SLC17A8: variants seen among roughly 807,000 people sequenced by gnomAD.
SLC17A8 encodes the protein vesicular glutamate transporter 3.
Under a neutral mutation model 58.0 loss-of-function variants are expected in SLC17A8, and 31 were observed. That is an observed-to-expected ratio of 0.53 (90% CI 0.40 to 0.72). The LOEUF is 0.72. Ranked by LOEUF, SLC17A8 falls within the 30% of genes least tolerant of loss-of-function variation. SLC17A8 has a pLI of 0.00. For missense variants in SLC17A8, 655 were observed against 727.8 expected (o/e 0.90, Z 1.15); for synonymous variants, 228 against 249.0 (o/e 0.92, Z 0.79).
chr12:100,360,046 T>A (rs1315265904), intron 1 of SLC17A8, among the ~76,000 whole-genome samples: 1 of 152,010 alleles, frequency 6.6e-6, no homozygotes. Context: ...GTCAGGGGAG[T>A]GGCAATTGCA....
At chr12:100,382,535 C>T (rs1195777103) in intron 2 of SLC17A8, among the ~76,000 whole-genome samples, 1 of 152,164 alleles carries the variant, frequency 6.6e-6, no homozygotes, top group African/African-American at 2.4e-5. Context: ...TGCAGAAATC[C>T]GTTCATCTGC....
At chr12:100,397,391 C>T (rs1405684584) in intron 5 of SLC17A8, among the ~76,000 whole-genome samples, 1 of 152,030 alleles carries the variant, frequency 6.6e-6, no homozygotes, top group East Asian at 1.9e-4. Context: ...TCATTATATC[C>T]CAGATAATAA....
At chr12:100,397,004 A>G (rs372607592) in intron 5 of SLC17A8, among the ~76,000 whole-genome samples, 12 of 152,250 alleles carry the variant, frequency 7.9e-5, no homozygotes, top group African/African-American at 2.6e-4. Flanking sequence ...CAGGAAAACA[A>G]AAGCTTTCCC....
chr12:100,418,288 CTT>C, intron 11 of SLC17A8, 132 bp downstream of exon 11: 1 of 1,002,556 alleles, frequency 1.0e-6, no homozygotes, highest in Admixed American at 2.1e-5. Context: ...AGCTGAACTT[CTT>C]TTTTTTTTCT....
intron 1 of SLC17A8, among the ~76,000 whole-genome samples, chr12:100,370,612 T>TAAAAAA (rs61103377): frequency 2.4e-5 from 3 of 127,204 alleles, no homozygotes; most frequent in African/African-American, 5.5e-5. Flanking sequence ...ATCTAAATTC[T>TAAAAAA]AAAAAAAAAA....
intron 10 of SLC17A8, among the ~76,000 whole-genome samples, chr12:100,417,537 GT>G (rs1325978537): frequency 6.6e-6 from 1 of 152,178 alleles, no homozygotes; most frequent in African/African-American, 2.4e-5. Flanking sequence ...TTGTGCAAAT[GT>G]TTCATTAAAA....
At chr12:100,388,161 T>C (rs1203055845) in intron 2 of SLC17A8, among the ~76,000 whole-genome samples, 1 of 152,226 alleles carries the variant, frequency 6.6e-6, no homozygotes, top group African/African-American at 2.4e-5. Context: ...AATGACCATA[T>C]GACTTGCTCC....
At chr12:100,384,688 G>T (rs752242085) in intron 2 of SLC17A8, among the ~76,000 whole-genome samples, 100 of 152,318 alleles carry the variant, frequency 6.6e-4, no homozygotes, top group Non-Finnish European at 5.7e-4. Context: ...CACCCAGGAC[G>T]CAGAAGCCAG....
intron 5 of SLC17A8, among the ~76,000 whole-genome samples, chr12:100,398,212 G>A (rs1247235764): frequency 6.6e-6 from 1 of 152,128 alleles, no homozygotes; most frequent in Non-Finnish European, 1.5e-5. Context: ...GTGCCTCGTT[G>A]GGAATTGCAT....
chr12:100,359,538 C>A (rs560541176), intron 1 of SLC17A8, among the ~76,000 whole-genome samples: 1 of 152,294 alleles, frequency 6.6e-6, no homozygotes, highest in East Asian at 1.9e-4. Context: ...ATGCACTAAA[C>A]AAATGCTAGA....
At chr12:100,382,782 C>CT (rs1952646556) in intron 2 of SLC17A8, among the ~76,000 whole-genome samples, 1 of 152,190 alleles carries the variant, frequency 6.6e-6, no homozygotes, top group African/African-American at 2.4e-5. Context: ...CATGCCATAT[C>CT]TATTAGCATC....
chr12:100,358,001 T>A (rs548644537), intron 1 of SLC17A8, among the ~76,000 whole-genome samples: 2 of 152,200 alleles, frequency 1.3e-5, no homozygotes, highest in Admixed American at 1.3e-4. Context: ...AGGAAGTAAC[T>A]TAAAAAATGT....
intron 9 of SLC17A8, among the ~76,000 whole-genome samples, chr12:100,409,922 G>T (rs1271954073): frequency 1.3e-5 from 2 of 152,188 alleles, no homozygotes; most frequent in Non-Finnish European, 2.9e-5. Flanking sequence ...ACAGCAGGAG[G>T]TATTCATTAT....
chr12:100,396,094 T>C (rs1458160818), intron 4 of SLC17A8, among the ~76,000 whole-genome samples: 1 of 152,226 alleles, frequency 6.6e-6, no homozygotes, highest in Non-Finnish European at 1.5e-5. Context: ...ATCTCATTCA[T>C]GAGGGCTACA....
At chr12:100,376,175 T>G (rs1952593604) in intron 1 of SLC17A8, among the ~76,000 whole-genome samples, 1 of 152,212 alleles carries the variant, frequency 6.6e-6, no homozygotes, top group Non-Finnish European at 1.5e-5. Flanking sequence ...GATCTCAGAT[T>G]TCTGGCTCTA....
chr12:100,358,939 C>G (rs1435252001), intron 1 of SLC17A8, among the ~76,000 whole-genome samples: 1 of 152,056 alleles, frequency 6.6e-6, no homozygotes, highest in Non-Finnish European at 1.5e-5. Context: ...GCCAGAAGTT[C>G]GAGACTAGCC....
intron 3 of SLC17A8, among the ~76,000 whole-genome samples, chr12:100,392,039 T>C (rs1196752424): frequency 6.6e-6 from 1 of 152,134 alleles, no homozygotes; most frequent in African/African-American, 2.4e-5. Flanking sequence ...ACCGGAGGTA[T>C]TCAAGCAGAG....
chr12:100,385,048 G>A (rs895320377), intron 2 of SLC17A8, among the ~76,000 whole-genome samples: 1 of 151,412 alleles, frequency 6.6e-6, no homozygotes, highest in Non-Finnish European at 1.5e-5. Context: ...GACTTATTTG[G>A]GTTCAAGAGT....
chr12:100,414,090 C>T (rs1952889977), intron 10 of SLC17A8, among the ~76,000 whole-genome samples: 1 of 152,128 alleles, frequency 6.6e-6, no homozygotes, highest in South Asian at 2.1e-4. Flanking sequence ...TATCACTATG[C>T]TACTGGGTTT....
Sources: gnomAD v4.1 joint callset for allele counts (sites outside exome capture counted in the v4.1 genomes callset) on GRCh38, gnomAD v4.1.1 for gene constraint, MANE v1.5 for transcripts, NCBI Gene and HGNC (gene_info 2026-07-23, HGNC 2026-07-21) for gene names.